Variants in RCN2 observed in about 807,000 individuals in gnomAD.
RCN2 encodes the protein reticulocalbin 2.
A neutral mutation model predicts 37.5 loss-of-function variants in RCN2; 23 were observed. The observed-to-expected ratio is 0.61, with a 90% CI of 0.44 to 0.87. RCN2 has a LOEUF of 0.87. RCN2 is among the 40% of genes least tolerant of loss of function. The probability of loss-of-function intolerance (pLI) is 0.00; values close to 1 mark genes in which losing one functional copy is unlikely to be tolerated. For missense variants in RCN2, 381 were observed against 390.4 expected (o/e 0.98, Z 0.20); for synonymous variants, 140 against 144.6 (o/e 0.97, Z 0.23).
At chr15:76,935,316 C>G (rs2075242306) in intron 2 of RCN2, among the ~76,000 whole-genome samples, 1 of 152,146 alleles carries the variant, frequency 6.6e-6, no homozygotes, top group Non-Finnish European at 1.5e-5. Flanking sequence ...AAGAGCGAGA[C>G]TCCATCTCAA....
In RCN2 at chr15:76,950,390, T is replaced by C. The variant is rs2075315157; in HGVS notation, c.*1168T>C. ...GTACAGAGATTGTTTTTCATTCTTTTTTTTTTTTTTTTTTTTGTGACAGAG... is the reference window on the plus strand; with the variant it reads ...GTACAGAGATTGTTTTTCATTCTTTCTTTTTTTTTTTTTTTTGTGACAGAG... On this transcript the variant is annotated 3_prime_UTR_variant, in exon 7 of 7. Transcript: ENST00000394885. 1 of 145,836 alleles carries C rather than the reference T, an allele frequency of 6.9e-6. No homozygotes were observed. Among genetic ancestry groups the C allele is most frequent in the Admixed American group, 6.8e-5 (1 of 14,698 alleles). The allele number at this position is 145,836 out of a possible 1,614,324, so 9.0% of individuals were successfully genotyped here. A position where few individuals can be genotyped will look rare whatever the true frequency, so the allele number is the denominator to read the frequency against.
chr15:76,932,615 A>T (rs1368306242), intron 2 of RCN2, 149 bp downstream of exon 2: 1 of 627,152 alleles, frequency 1.6e-6, no homozygotes, highest in Non-Finnish European at 2.8e-6. Flanking sequence ...TATACTTACA[A>T]ATCTTTAGAC....
intron 1 of RCN2, 132 bp downstream of exon 1, chr15:76,932,117 C>T (rs1435419496): frequency 4.4e-6 from 4 of 913,434 alleles, no homozygotes; most frequent in Non-Finnish European, 5.9e-6. Context: ...CCGGGCGGCG[C>T]GGCACTCGCT....
In RCN2 at chr15:76,953,598, T is replaced by G. The variant is rs1388188309; in HGVS notation, c.*4376T>G. 2.0e-5 allele frequency: 1 copy of G among 50,050 alleles called. No individual in the cohort carries two copies. The highest frequency in any genetic ancestry group is 2.0e-4 in the Admixed American group (1 of 5,116). The allele number at this position is 50,050 out of a possible 1,614,324, so 3.1% of individuals were successfully genotyped here. On this transcript the variant is annotated 3_prime_UTR_variant, in exon 7 of 7. Transcript: ENST00000394885. Reference sequence around the variant, plus strand: ...ATATATATATATATATATATATTTTTTTTTTTTTTTTTTTTTTTTTTTTTT... The same window carrying G: ...ATATATATATATATATATATATTTTGTTTTTTTTTTTTTTTTTTTTTTTTT...
At chr15:76,944,541 G>A (rs1322358951) in intron 4 of RCN2, among the ~76,000 whole-genome samples, 1 of 151,954 alleles carries the variant, frequency 6.6e-6, no homozygotes, top group East Asian at 1.9e-4. Flanking sequence ...CCCAGTCTCT[G>A]GTAACCATCT....
In RCN2 at chr15:76,948,393, T is replaced by C; in HGVS notation, c.659-17T>C. 1.3e-6 allele frequency: 2 copies of C among 1,558,462 alleles called. No homozygotes were observed. Among genetic ancestry groups the C allele is most frequent in the Non-Finnish European group, 1.8e-6 (2 of 1,140,200 alleles). On this transcript the variant is annotated splice_polypyrimidine_tract_variant and intron_variant, in intron 5 of 6. Transcript: ENST00000394885. ...TGATATTCTTGTGTATGTATATTTG[T>C]GTTTTTTTATATTAAGCTGCAAATG...
chr15:76,934,085 G>A (rs750446865), intron 2 of RCN2, among the ~76,000 whole-genome samples: 4 of 151,960 alleles, frequency 2.6e-5, no homozygotes, highest in South Asian at 4.1e-4. Context: ...ACAAATATTC[G>A]TGTTCGTCCC....
intron 4 of RCN2, among the ~76,000 whole-genome samples, chr15:76,945,093 A>G (rs1568461289): frequency 1.3e-5 from 2 of 152,216 alleles, no homozygotes; most frequent in South Asian, 4.1e-4. Context: ...CATTCTCCCC[A>G]CTTAAAATTA....
intron 3 of RCN2, among the ~76,000 whole-genome samples, chr15:76,939,573 T>C (rs904232809): frequency 6.6e-6 from 1 of 152,160 alleles, no homozygotes; most frequent in Non-Finnish European, 1.5e-5. Flanking sequence ...TGCTTGTAAA[T>C]ACTAAAGGAA....
intron 4 of RCN2, among the ~76,000 whole-genome samples, chr15:76,946,465 G>A (rs2075297233): frequency 6.6e-6 from 1 of 151,024 alleles, no homozygotes; most frequent in Non-Finnish European, 1.5e-5. Context: ...AAAAAGAAGG[G>A]GGAGGGCTAG....
intron 4 of RCN2, among the ~76,000 whole-genome samples, chr15:76,944,362 T>A (rs2152651285): frequency 6.6e-6 from 1 of 152,288 alleles, no homozygotes; most frequent in African/African-American, 2.4e-5. Flanking sequence ...CTTTTATCCT[T>A]TGTGTTACTA....
At chr15:76,938,761 C>G (rs550576102) in intron 3 of RCN2, 5 of 455,796 alleles carry the variant, frequency 1.1e-5, no homozygotes, top group African/African-American at 4.0e-5. Context: ...ATCCTCAGAG[C>G]CAGTCTGCTT....
rs1388128937 is a variant in RCN2, at chr15:76,951,765, G to T, written c.*2543G>T. The T allele has an allele frequency of 1.3e-5, 2 of 152,120 alleles. No homozygotes were observed. The highest frequency in any genetic ancestry group is 2.9e-5 in the Non-Finnish European group (2 of 68,022). The allele number at this position is 152,120 out of a possible 1,614,324, so 9.4% of individuals were successfully genotyped here. ...GAGCATGAGAGTAAAAATAGTTTGA[G>T]ACTTTCTGAATCATTGGCTGATTCT... On this transcript the variant is annotated 3_prime_UTR_variant, in exon 7 of 7. Transcript: ENST00000394885.
At chr15:76,938,242 C>T (rs1382801470) in intron 3 of RCN2, among the ~76,000 whole-genome samples, 1 of 151,974 alleles carries the variant, frequency 6.6e-6, no homozygotes, top group Non-Finnish European at 1.5e-5. Flanking sequence ...TTTGTTGTGG[C>T]CATAATTTAT....
chr15:76,931,995 C>T lies in RCN2; in HGVS notation c.144+10C>T. On this transcript the variant is annotated intron_variant, in intron 1 of 6. Transcript: ENST00000394885. ...GCTGCTGGGCGTCCAGGTGAGGCGG[C>T]CAGGCCGGTGCTGGGAGGGCCGGGC... 1 of 1,258,942 alleles carries T rather than the reference C, an allele frequency of 7.9e-7. No homozygotes were observed. The highest frequency in any genetic ancestry group is 2.9e-5 in the South Asian group (1 of 34,744). The allele number at this position is 1,258,942 out of a possible 1,614,324, so 78.0% of individuals were successfully genotyped here. A position where few individuals can be genotyped will look rare whatever the true frequency, so the allele number is the denominator to read the frequency against.
In RCN2 at chr15:76,954,255, A is replaced by G. The variant is rs1054173632; in HGVS notation, c.*5033A>G. ...TACAATACCTCCTTTTGAGTGAGAAATGTCAACTCAAACTTACACTTTTTC... is the reference window on the plus strand; with the variant it reads ...TACAATACCTCCTTTTGAGTGAGAAGTGTCAACTCAAACTTACACTTTTTC... On this transcript the variant is annotated 3_prime_UTR_variant, in exon 7 of 7. Coordinates refer to ENST00000394885, the MANE Select transcript of RCN2 (RefSeq NM_002902.3). The G allele has an allele frequency of 3.3e-5, 5 of 152,128 alleles. No individual in the cohort carries two copies. Among genetic ancestry groups the G allele is most frequent in the African/African-American group, 1.2e-4 (5 of 41,406 alleles). The allele number at this position is 152,128 out of a possible 1,614,324, so 9.4% of individuals were successfully genotyped here.
rs1377783842 is a variant in RCN2, at chr15:76,953,382, A to G, written c.*4160A>G. 2 of 151,466 alleles carry G rather than the reference A, an allele frequency of 1.3e-5. No homozygotes were observed. Among genetic ancestry groups the G allele is most frequent in the Non-Finnish European group, 2.9e-5 (2 of 67,894 alleles). The allele number at this position is 151,466 out of a possible 1,614,324, so 9.4% of individuals were successfully genotyped here. On this transcript the variant is annotated 3_prime_UTR_variant, in exon 7 of 7. Coordinates refer to ENST00000394885, the MANE Select transcript of RCN2 (RefSeq NM_002902.3). ...GAACAATACTTTATTGTTTGCATAT[A>G]CCACATTTTGCTTATCCATTCACCC... is the stretch of plus-strand genomic sequence containing the variant.
intron 3 of RCN2, among the ~76,000 whole-genome samples, chr15:76,937,409 CT>C (rs202009897): frequency 0.079 from 11,470 of 145,602 alleles, 550 homozygotes; most frequent in Middle Eastern, 0.11. Context: ...AAAATTACTC[CT>C]TTTTTTTTTT....
chr15:76,937,850 A>T (rs1358924959), intron 3 of RCN2, among the ~76,000 whole-genome samples: 1 of 152,212 alleles, frequency 6.6e-6, no homozygotes, highest in Admixed American at 6.5e-5. Flanking sequence ...TAACACTTCT[A>T]GGAAGTCTAT....
Sources: gnomAD v4.1 joint callset for allele counts (sites outside exome capture counted in the v4.1 genomes callset) on GRCh38, gnomAD v4.1.1 for gene constraint, MANE v1.5 for transcripts, NCBI Gene and HGNC (gene_info 2026-07-23, HGNC 2026-07-21) for gene names.